The following KIAA1217 variants were observed in gnomAD, a reference collection of about 807,000 sequenced individuals.
KIAA1217 encodes sickle tail protein homolog.
A neutral mutation model predicts 163.9 loss-of-function variants in KIAA1217; 88 were observed. The ratio of observed to expected loss-of-function variants is 0.54; its 90% CI spans 0.45 to 0.64. The LOEUF is 0.64. Ranked by LOEUF, KIAA1217 falls within the 30% of genes least tolerant of loss-of-function variation. The pLI, the probability that KIAA1217 is intolerant of heterozygous loss-of-function variation, is 0.00. For missense variants in KIAA1217, 2,372 were observed against 2,475.0 expected, an observed-to-expected ratio of 0.96 and a Z score of 0.88; for synonymous variants, 903 against 923.1, an observed-to-expected ratio of 0.98 and a Z score of 0.39.
intron 3 of KIAA1217, among the ~76,000 whole-genome samples, chr10:24,416,044 TGA>T (rs2058220366): frequency 6.6e-6 from 1 of 152,164 alleles, no homozygotes; most frequent in South Asian, 2.1e-4. Flanking sequence ...TGGATTTGCC[TGA>T]GAGTGTCCCC....
chr10:23,711,215 C>T (rs771563457), intron 1 of KIAA1217, among the ~76,000 whole-genome samples: 7 of 152,132 alleles, frequency 4.6e-5, no homozygotes, highest in Non-Finnish European at 1.0e-4. Flanking sequence ...CAGAAGATGT[C>T]CACATTCTAA....
At chr10:24,100,529 G>A (rs997802198) in intron 2 of KIAA1217, among the ~76,000 whole-genome samples, 1 of 152,202 alleles carries the variant, frequency 6.6e-6, no homozygotes, top group African/African-American at 2.4e-5. Context: ...CCACAAGGTT[G>A]ACTGTAAATA....
At chr10:24,228,692 T>C (rs1484256269) in intron 2 of KIAA1217, among the ~76,000 whole-genome samples, 2 of 152,168 alleles carry the variant, frequency 1.3e-5, no homozygotes, top group African/African-American at 4.8e-5. Context: ...TTCTTGGTTC[T>C]AGTACCCACT....
chr10:24,090,254 A>G (rs1423296815), intron 2 of KIAA1217, among the ~76,000 whole-genome samples: 2 of 134,544 alleles, frequency 1.5e-5, no homozygotes, highest in Non-Finnish European at 3.1e-5. Flanking sequence ...GCAGCCTTGA[A>G]CTCCTGGTTT....
intron 1 of KIAA1217, among the ~76,000 whole-genome samples, chr10:23,744,155 T>C (rs76863776): frequency 0.022 from 3,313 of 152,260 alleles, 114 homozygotes; most frequent in African/African-American, 0.071. Context: ...AATTATGGGC[T>C]TTAAAGATAG....
rs777514602 is a variant in KIAA1217 at position 24,473,635 on chromosome 10, C to T, written c.1254C>T (p.Pro418=). 3.9e-5 allele frequency: 63 copies of T among 1,614,126 alleles called. 1 individual carries two copies. Among genetic ancestry groups the T allele is most frequent in the African/African-American group, 1.3e-4 (10 of 75,030 alleles). Residue 418 remains proline (P), a synonymous_variant, in exon 6 of 21, where the codon CCC becomes CCT. Coordinates refer to ENST00000376454, the MANE Select transcript of KIAA1217 (RefSeq NM_019590.5). ...SSHGGHPLDV[P]DHIIAYHRTA... is the part of the protein sequence containing the mutation. ...ATGGTGGACACCCACTGGATGTCCC[C>T]GACCACATCATTGCATATCACCGCA... is the stretch of plus-strand genomic sequence containing the variant.
intron 2 of KIAA1217, among the ~76,000 whole-genome samples, chr10:24,106,223 C>T (rs1313281604): frequency 6.6e-6 from 1 of 152,026 alleles, no homozygotes. Context: ...GGGACGATGG[C>T]ACCTAGAAAA....
At chr10:24,071,456 G>A (rs1197093923) in intron 2 of KIAA1217, among the ~76,000 whole-genome samples, 1 of 151,788 alleles carries the variant, frequency 6.6e-6, no homozygotes, top group South Asian at 2.1e-4. Context: ...AGCCTTAATT[G>A]CTTATTGAAA....
chr10:24,457,360 G>GTGTGTGTGTGTGTGTGTGTGTGTT (rs774686589), intron 5 of KIAA1217, among the ~76,000 whole-genome samples: 28 of 151,556 alleles, frequency 1.8e-4, no homozygotes, highest in African/African-American at 6.1e-4. Context: ...GTGTGTGTGT[G>GTGTGTGTGTGTGTGTGTGTGTGTT]TGTATGTGTG....
chr10:24,211,565 G>T (rs144832907), intron 1 of KIAA1217, among the ~76,000 whole-genome samples: 71,957 of 132,472 alleles, frequency 0.54, 18,959 homozygotes, highest in East Asian at 0.69. Context: ...GTATTGTATT[G>T]TATTGTATTG....
At chr10:24,446,037 C>A (rs1265559001) in intron 5 of KIAA1217, among the ~76,000 whole-genome samples, 1 of 152,196 alleles carries the variant, frequency 6.6e-6, no homozygotes, top group Non-Finnish European at 1.5e-5. Flanking sequence ...TCCTCTCCAG[C>A]ACCTGTTGTT....
intron 6 of KIAA1217, among the ~76,000 whole-genome samples, chr10:24,477,240 C>A (rs1196469789): frequency 6.6e-6 from 1 of 152,118 alleles, no homozygotes; most frequent in Non-Finnish European, 1.5e-5. Flanking sequence ...TATTGAGAGC[C>A]TTTTATGAGC....
At chr10:23,853,720 A>G (rs1839486818) in intron 1 of KIAA1217, among the ~76,000 whole-genome samples, 1 of 152,192 alleles carries the variant, frequency 6.6e-6, no homozygotes, top group South Asian at 2.1e-4. Context: ...CAGAGAGTCA[A>G]CTTCTTCCTG....
chr10:23,735,607 G>T lies in KIAA1217; in HGVS notation c.-321+40373G>T, dbSNP rs142163618. Among the ~76,000 whole-genome samples the T allele has an allele frequency of 6.9e-3, 1,051 of 151,744 alleles. 15 individuals are homozygous for T. Among genetic ancestry groups the T allele is most frequent in the African/African-American group, 0.024 (998 of 41,394 alleles). ...TCCCTTATCTGTGAAATGCCTTTTT[G>T]TGTCTTTTGCTCATTTTTTAATTAG... is the stretch of plus-strand genomic sequence containing the variant. On this transcript the variant is annotated intron_variant, in intron 1 of 18. Coordinates refer to the KIAA1217 transcript ENST00000376462.
intron 1 of KIAA1217, among the ~76,000 whole-genome samples, chr10:23,880,349 AG>A (rs1477257231): frequency 6.6e-6 from 1 of 152,014 alleles, no homozygotes; most frequent in Non-Finnish European, 1.5e-5. Flanking sequence ...AGCCAGGCAC[AG>A]AAAGACGAAC....
intron 2 of KIAA1217, among the ~76,000 whole-genome samples, chr10:24,298,601 C>T (rs370908046): frequency 6.3e-4 from 96 of 152,168 alleles, no homozygotes; most frequent in African/African-American, 2.2e-3. Context: ...AGTTTGAGAC[C>T]AGCCTGGTCA....
intron 2 of KIAA1217, among the ~76,000 whole-genome samples, chr10:24,293,044 T>C (rs534917346): frequency 2.0e-5 from 3 of 152,228 alleles, no homozygotes; most frequent in African/African-American, 7.2e-5. Context: ...TTTTTGTTTT[T>C]GTTTTGTTTT....
rs1469302811 is a variant in KIAA1217 at position 24,494,615 on chromosome 10, A to G, written c.1784+11A>G. ...CAAAGATGCGTCTAGGTAAAAAAGA[A>G]GAAAGCCAATGAAAAAAATAATTCA... On this transcript the variant is annotated intron_variant, in intron 7 of 20. Transcript: ENST00000376454. The G allele has an allele frequency of 4.6e-6, 7 of 1,528,626 alleles. No homozygotes were observed. The Admixed American group carries it at 1.1e-4, about 24-fold the overall frequency. The allele number at this position is 1,528,626 out of a possible 1,614,324, so 94.7% of individuals were successfully genotyped here.
rs114622035 is a variant in KIAA1217, at chr10:23,779,980, T to A, written c.-321+84746T>A. On this transcript the variant is annotated intron_variant, in intron 1 of 18. Coordinates refer to the KIAA1217 transcript ENST00000376462. ...TAGGCCATGCAATATAGCCTAGGTG[T>A]GTAGTAGGCTACACCATCTAGAATT... Among the ~76,000 whole-genome samples the A allele has an allele frequency of 5.6e-3, 856 of 152,282 alleles. 3 individuals carry two copies. The highest frequency in any genetic ancestry group is 0.018 in the African/African-American group (750 of 41,566).
Sources: allele counts gnomAD v4.1 joint callset (sites outside exome capture counted in the v4.1 genomes callset), GRCh38; gene constraint gnomAD v4.1.1; transcripts MANE v1.5; gene names NCBI Gene and HGNC (gene_info 2026-07-23, HGNC 2026-07-21).